EVI5: variants seen among roughly 807,000 people sequenced by gnomAD.
EVI5 encodes the protein ecotropic viral integration site 5.
Under a neutral mutation model 112.0 loss-of-function variants are expected in EVI5, and 73 were observed. The observed-to-expected ratio is 0.65, with a 90% CI of 0.54 to 0.79. The LOEUF (loss-of-function observed/expected upper bound fraction) is 0.79. Among genes scored for constraint, EVI5 ranks in the 30% least tolerant of loss-of-function variants. The pLI, the probability that EVI5 is intolerant of heterozygous loss-of-function variation, is 0.00. For missense variants in EVI5, 900 were observed against 968.8 expected, an observed-to-expected ratio of 0.93 and a Z score of 0.94; for synonymous variants, 305 against 319.9, an observed-to-expected ratio of 0.95 and a Z score of 0.50.
chr1:92,625,590 CTTTTA>C (rs769793721), intron 15 of EVI5, 199 bp downstream of exon 15: 10 of 461,946 alleles, frequency 2.2e-5, no homozygotes, highest in Non-Finnish European at 3.5e-5. Context: ...TCTACTGTAT[CTTTTA>C]TTTTATTATA....
chr1:92,556,018 C>T (rs570140762), intron 19 of EVI5, among the ~76,000 whole-genome samples: 15 of 151,374 alleles, frequency 9.9e-5, no homozygotes, highest in African/African-American at 3.4e-4. Flanking sequence ...AAGAGCAATG[C>T]TGAATGAGCC....
intron 18 of EVI5, among the ~76,000 whole-genome samples, chr1:92,588,874 A>C (rs529207647): frequency 6.6e-6 from 1 of 152,284 alleles, no homozygotes; most frequent in South Asian, 2.1e-4. Flanking sequence ...AAATTATTTC[A>C]GTAAATAAAC....
chr1:92,514,299 G>C (rs1022324553), intron 19 of EVI5, among the ~76,000 whole-genome samples: 5 of 151,960 alleles, frequency 3.3e-5, no homozygotes, highest in Non-Finnish European at 7.4e-5. Flanking sequence ...GACTACAGGC[G>C]TGTGTCACCA....
intron 19 of EVI5, among the ~76,000 whole-genome samples, chr1:92,518,659 A>AG (rs1660372283): frequency 6.6e-6 from 1 of 151,614 alleles, no homozygotes; most frequent in Non-Finnish European, 1.5e-5. Flanking sequence ...ATGCTTTAAA[A>AG]AAAAAAAAAG....
intron 19 of EVI5, among the ~76,000 whole-genome samples, chr1:92,558,682 T>C (rs1475739680): frequency 1.3e-5 from 2 of 151,898 alleles, no homozygotes; most frequent in Non-Finnish European, 2.9e-5. Context: ...GCAGAGCAAA[T>C]GAAATTATAA....
chr1:92,568,823 TTC>T (rs1419990740), intron 18 of EVI5, among the ~76,000 whole-genome samples: 4 of 152,252 alleles, frequency 2.6e-5, no homozygotes, highest in African/African-American at 7.2e-5. Context: ...TAATAACATT[TTC>T]TTTTTTCTAG....
intron 14 of EVI5, among the ~76,000 whole-genome samples, chr1:92,628,790 T>C (rs1392696013): frequency 6.6e-6 from 1 of 152,212 alleles, no homozygotes; most frequent in Non-Finnish European, 1.5e-5. Context: ...CATGCAAATT[T>C]TTGCTCATAG....
intron 1 of EVI5, among the ~76,000 whole-genome samples, chr1:92,768,958 T>C (rs1048893736): frequency 6.6e-6 from 1 of 152,162 alleles, no homozygotes; most frequent in Non-Finnish European, 1.5e-5. Flanking sequence ...CCCTTCCCCA[T>C]AGCTAAGCAA....
rs893111533 is a variant in EVI5, at chr1:92,596,383, C to CA, written c.2070+8923dup. On this transcript the variant is annotated intron_variant, in intron 18 of 19. Transcript: ENST00000684568. ...TTGAAAACAATAACAAAAATAGCAACAAAAAAAACCCCAAAACCAATATCT... is the reference window on the plus strand; with the variant it reads ...TTGAAAACAATAACAAAAATAGCAACAAAAAAAAACCCCAAAACCAATATCT... Among the ~76,000 whole-genome samples, 18 of 151,592 alleles carry CA rather than the reference C, an allele frequency of 1.2e-4. 1 individual carries two copies. The highest frequency in any genetic ancestry group is 3.9e-4 in the Admixed American group (6 of 15,214).
At chr1:92,778,734 G>C (rs978428774) in intron 1 of EVI5, among the ~76,000 whole-genome samples, 4 of 152,148 alleles carry the variant, frequency 2.6e-5, no homozygotes, top group Non-Finnish European at 5.9e-5. Context: ...GCTAATCTTC[G>C]GAGATAGAAA....
chr1:92,693,906 T>C lies in EVI5; in HGVS notation c.1000-7A>G, dbSNP rs138688038. On this transcript the variant is annotated splice_polypyrimidine_tract_variant and splice_region_variant and intron_variant, in intron 8 of 19. Coordinates refer to ENST00000684568, the MANE Select transcript of EVI5 (RefSeq NM_001350197.2). ...GAATGACCTTTTGAAAGTGCTAAGA[T>C]ACAATTAAAAAAAAAACATAAGAAT... The C allele has an allele frequency of 1.1e-4, 166 of 1,504,010 alleles. No individual in the cohort carries two copies. The highest frequency in any genetic ancestry group is 7.5e-4 in the South Asian group (63 of 84,180). 93.2% of individuals were successfully genotyped at this position (1,504,010 alleles called of 1,614,324 possible).
At chr1:92,596,558 A>G (rs1647934308) in intron 18 of EVI5, among the ~76,000 whole-genome samples, 1 of 152,216 alleles carries the variant, frequency 6.6e-6, no homozygotes, top group Non-Finnish European at 1.5e-5. Context: ...AATAAGCTCT[A>G]TATTTCCAAA....
At chr1:92,696,482 A>T (rs1390105644) in intron 6 of EVI5, among the ~76,000 whole-genome samples, 1 of 151,986 alleles carries the variant, frequency 6.6e-6, no homozygotes, top group African/African-American at 2.4e-5. Flanking sequence ...CAAAATAGAT[A>T]AAAAACTATT....
intron 19 of EVI5, among the ~76,000 whole-genome samples, chr1:92,531,619 T>C (rs751488123): frequency 4.6e-5 from 7 of 151,952 alleles, no homozygotes; most frequent in South Asian, 2.1e-4. Flanking sequence ...CCAGAAGAGA[T>C]TGGGGGCCAA....
intron 1 of EVI5, among the ~76,000 whole-genome samples, chr1:92,751,870 G>A (rs184381629): frequency 6.0e-4 from 91 of 152,010 alleles, no homozygotes; most frequent in Admixed American, 2.1e-3. Flanking sequence ...AAAATTAGCC[G>A]GGCATGGTGG....
At chr1:92,637,974 T>C (rs774856397) in intron 13 of EVI5, among the ~76,000 whole-genome samples, 1 of 152,310 alleles carries the variant, frequency 6.6e-6, no homozygotes, top group South Asian at 2.1e-4. Context: ...TACTTACCTT[T>C]TATCAATTAG....
chr1:92,540,168 T>C (rs1192795300), intron 19 of EVI5, among the ~76,000 whole-genome samples: 1 of 152,246 alleles, frequency 6.6e-6, no homozygotes, highest in Admixed American at 6.5e-5. Context: ...GATGTCTTAG[T>C]GTAGACATGT....
At chr1:92,678,097 G>A (rs1483676568) in intron 9 of EVI5, among the ~76,000 whole-genome samples, 1 of 152,096 alleles carries the variant, frequency 6.6e-6, no homozygotes, top group South Asian at 2.1e-4. Context: ...ACTAACCGTT[G>A]GGTACTATGC....
At chr1:92,570,251 A>T (rs1455890074) in intron 18 of EVI5, among the ~76,000 whole-genome samples, 1 of 152,178 alleles carries the variant, frequency 6.6e-6, no homozygotes, top group East Asian at 1.9e-4. Context: ...GACTAATTTG[A>T]TAAGAATCAC....
Sources: gnomAD v4.1 joint callset for allele counts (sites outside exome capture counted in the v4.1 genomes callset) on GRCh38, gnomAD v4.1.1 for gene constraint, MANE v1.5 for transcripts, NCBI Gene and HGNC (gene_info 2026-07-23, HGNC 2026-07-21) for gene names.